ADAMTS6: variants seen among roughly 807,000 people sequenced by gnomAD.
The protein encoded by ADAMTS6 is A disintegrin and metalloproteinase with thrombospondin motifs 6.
A neutral mutation model predicts 144.3 loss-of-function variants in ADAMTS6; 23 were observed. The observed-to-expected ratio is 0.16, with a 90% CI of 0.11 to 0.23. The LOEUF is 0.23. Among genes scored for constraint, ADAMTS6 ranks in the 10% least tolerant of loss-of-function variants. The pLI, the probability that ADAMTS6 is intolerant of heterozygous loss-of-function variation, is 1.00. For missense variants in ADAMTS6, 999 were observed against 1,379.6 expected (o/e 0.72, Z 4.37); for synonymous variants, 444 against 457.5 (o/e 0.97, Z 0.38).
intron 20 of ADAMTS6, among the ~76,000 whole-genome samples, chr5:65,208,527 G>C (rs984084942): frequency 1.3e-5 from 2 of 152,078 alleles, no homozygotes; most frequent in African/African-American, 4.8e-5. Flanking sequence ...TGGTGAAAAA[G>C]CTCTTTTTAT....
At chr5:65,388,447 G>GT (rs1335488753) in intron 7 of ADAMTS6, among the ~76,000 whole-genome samples, 1 of 152,130 alleles carries the variant, frequency 6.6e-6, no homozygotes, top group Non-Finnish European at 1.5e-5. Context: ...TAAACTTTTA[G>GT]TTTAGGCAAG....
At chr5:65,382,578 A>C (rs1752133566) in intron 7 of ADAMTS6, among the ~76,000 whole-genome samples, 1 of 152,242 alleles carries the variant, frequency 6.6e-6, no homozygotes, top group South Asian at 2.1e-4. Context: ...CACAAAACAC[A>C]GTGCCTTTCT....
intron 15 of ADAMTS6, among the ~76,000 whole-genome samples, chr5:65,231,008 G>C (rs1036931226): frequency 1.3e-5 from 2 of 150,254 alleles, no homozygotes; most frequent in African/African-American, 4.9e-5. Flanking sequence ...AAAAACAATT[G>C]ACAAGATATA....
At chr5:65,385,744 C>G (rs56049551) in intron 7 of ADAMTS6, among the ~76,000 whole-genome samples, 14,985 of 152,072 alleles carry the variant, frequency 0.099, 804 homozygotes, top group Middle Eastern at 0.13. Flanking sequence ...TCTCAGATTA[C>G]AGAGTATTTT....
chr5:65,466,838 C>G (rs1045952644), intron 3 of ADAMTS6, among the ~76,000 whole-genome samples: 1 of 152,018 alleles, frequency 6.6e-6, no homozygotes, highest in Non-Finnish European at 1.5e-5. Flanking sequence ...GTCAGGAGAT[C>G]GAGACCATCC....
intron 1 of ADAMTS6, among the ~76,000 whole-genome samples, chr5:65,479,840 G>A (rs537439548): frequency 6.6e-6 from 1 of 152,258 alleles, no homozygotes; most frequent in Non-Finnish European, 1.5e-5. Flanking sequence ...TTCTTCTTGG[G>A]AATCACAAAA....
rs541896990 is a variant in ADAMTS6, at chr5:65,426,132, C to T, written c.1073+25343G>A. ...TGCAATCTTGGCTCACTGCAACTTC[C>T]GCCTCCCAAGTTCAAGCAATTCTCC... On this transcript the variant is annotated intron_variant, in intron 7 of 24. Transcript: ENST00000381055. 7.2e-5 allele frequency among the ~76,000 whole-genome samples: 11 copies of T among 151,762 alleles called. No individual in the cohort carries two copies. In the South Asian group the frequency reaches 1.3e-3, roughly 17 times the overall value.
At chr5:65,229,161 G>A (rs187054429) in intron 15 of ADAMTS6, among the ~76,000 whole-genome samples, 1 of 152,266 alleles carries the variant, frequency 6.6e-6, no homozygotes, top group African/African-American at 2.4e-5. Context: ...AAACAAACAG[G>A]CAGCTCTCAG....
At chr5:65,156,387 A>G (rs72758884) in intron 24 of ADAMTS6, among the ~76,000 whole-genome samples, 13,890 of 152,136 alleles carry the variant, frequency 0.091, 760 homozygotes, top group Non-Finnish European at 0.12. Flanking sequence ...AACCACCACC[A>G]CCACCAAAAA....
intron 7 of ADAMTS6, among the ~76,000 whole-genome samples, chr5:65,397,389 C>T (rs907208355): frequency 6.6e-6 from 1 of 152,022 alleles, no homozygotes; most frequent in African/African-American, 2.4e-5. Flanking sequence ...TATCTAGTTA[C>T]CTAAAATGGA....
chr5:65,361,970 A>G (rs1749864999), intron 7 of ADAMTS6, among the ~76,000 whole-genome samples: 2 of 152,130 alleles, frequency 1.3e-5, no homozygotes, highest in African/African-American at 4.8e-5. Context: ...CCTGGGCTCA[A>G]GCAATCTGCC....
rs764978371 is a variant in ADAMTS6, at chr5:65,200,586, CA to C, written c.2576-3436del. On this transcript the variant is annotated intron_variant, in intron 20 of 24. Coordinates refer to ENST00000381055, the MANE Select transcript of ADAMTS6 (RefSeq NM_197941.4). Reference sequence around the variant, plus strand: ...CATGACCAGTCAGTGTGTACCTAATCAAAAACAAAATTCTAGTGGCTTAGTG... The same window carrying C: ...CATGACCAGTCAGTGTGTACCTAATCAAAACAAAATTCTAGTGGCTTAGTG... Among the ~76,000 whole-genome samples the C allele has an allele frequency of 3.5e-3, 537 of 152,218 alleles. 14 individuals are homozygous for C. The highest frequency in any genetic ancestry group is 0.025 in the Admixed American group (375 of 15,286).
intron 20 of ADAMTS6, among the ~76,000 whole-genome samples, chr5:65,211,800 A>G (rs968985020): frequency 1.3e-5 from 2 of 152,110 alleles, no homozygotes; most frequent in Non-Finnish European, 2.9e-5. Context: ...CAAATATATA[A>G]TTGCCAAAAT....
intron 14 of ADAMTS6, among the ~76,000 whole-genome samples, chr5:65,247,491 C>G (rs1459186953): frequency 2.0e-5 from 3 of 152,096 alleles, no homozygotes; most frequent in African/African-American, 4.8e-5. Context: ...GTTGGCAAGT[C>G]CCCAATCCTT....
chr5:65,458,758 G>A (rs577264662), intron 4 of ADAMTS6, among the ~76,000 whole-genome samples: 1 of 152,236 alleles, frequency 6.6e-6, no homozygotes, highest in Admixed American at 6.5e-5. Context: ...CTTTACCTTT[G>A]CATTAAGCTG....
Position 65,452,722 on chromosome 5 carries a change from C to T in ADAMTS6, c.828G>A (p.Leu276=). The change falls in exon 5 of 25, where the codon TTG becomes TTA. Residue 276 remains leucine (L), a synonymous_variant. Transcript: ENST00000381055. ...TCAAACTTACAATATTCATCACACT[C>T]AAAATGTAATGTTCAATGTCTTTGC... ...HGRKDIEHYI[L]SVMNIVAKLY... is the part of the protein sequence containing the mutation. 6.2e-7 allele frequency: 1 copy of T among 1,613,986 alleles called. No homozygotes were observed. The highest frequency in any genetic ancestry group is 8.5e-7 in the Non-Finnish European group (1 of 1,179,914).
chr5:65,422,816 GT>G lies in ADAMTS6; in HGVS notation c.1073+28658del, dbSNP rs1756183265. Among the ~76,000 whole-genome samples, 8 of 152,168 alleles carry G rather than the reference GT, an allele frequency of 5.3e-5. No individual in the cohort carries two copies. The South Asian group carries it at 1.5e-3, about 28-fold the overall frequency. ...TGGGTATCTACCCAAAGGAAAAGAA[GT>G]CATAATATCAAAAATACACCTGCAT... On this transcript the variant is annotated intron_variant, in intron 7 of 24. Coordinates refer to ENST00000381055, the MANE Select transcript of ADAMTS6 (RefSeq NM_197941.4).
chr5:65,273,176 T>C (rs1321307650), intron 12 of ADAMTS6, among the ~76,000 whole-genome samples, 164 bp downstream of exon 12: 1 of 152,214 alleles, frequency 6.6e-6, no homozygotes. Flanking sequence ...ATAATGCATA[T>C]TTGCAGCTAC....
Position 65,215,181 on chromosome 5 carries a change from C to T in ADAMTS6, c.2436+143G>A, listed in dbSNP as rs769159134. Reference sequence around the variant, plus strand: ...GCACTATGGCCTTAACTCTGCACAGCTCTAACACCCTTGGGTAAATCATTT... The same window carrying T: ...GCACTATGGCCTTAACTCTGCACAGTTCTAACACCCTTGGGTAAATCATTT... On this transcript the variant is annotated intron_variant, in intron 19 of 24. Transcript: ENST00000381055. The T allele has an allele frequency of 1.5e-5, 16 of 1,081,888 alleles. No homozygotes were observed. In the East Asian group the frequency reaches 4.1e-4, roughly 27 times the overall value. 67.0% of individuals were successfully genotyped at this position (1,081,888 alleles called of 1,614,324 possible).
Sources: allele counts gnomAD v4.1 joint callset (sites outside exome capture counted in the v4.1 genomes callset), GRCh38; gene constraint gnomAD v4.1.1; transcripts MANE v1.5; gene names NCBI Gene and HGNC (gene_info 2026-07-23, HGNC 2026-07-21).